Variants in SDHAF4 observed in about 807,000 individuals in gnomAD.
SDHAF4 encodes the protein succinate dehydrogenase complex assembly factor 4, also known as succinate dehydrogenase assembly factor 4, mitochondrial.
SDHAF4 carries 14 observed loss-of-function variants against 14.3 expected under a neutral mutation model. The observed-to-expected ratio is 0.98, with a 90% CI of 0.65 to 1.53. SDHAF4 has a LOEUF of 1.53. SDHAF4 is among the 40% of genes most tolerant of loss of function. The pLI is 0.00. For missense variants in SDHAF4, 141 were observed against 129.3 expected, an observed-to-expected ratio of 1.09 and a Z score of -0.44; for synonymous variants, 63 against 47.3, an observed-to-expected ratio of 1.33 and a Z score of -1.36.
chr6:70,571,686 C>G lies in SDHAF4; in HGVS notation c.64+4682C>G, dbSNP rs561886395. Reference sequence around the variant, plus strand: ...GGGATTCTACTCACTCTTTTCCCTTCTTTGTTAGATTTTGTTTAAGATTGG... The same window carrying G: ...GGGATTCTACTCACTCTTTTCCCTTGTTTGTTAGATTTTGTTTAAGATTGG... On this transcript the variant is annotated intron_variant, in intron 1 of 2. Transcript: ENST00000370474. 7.2e-5 allele frequency among the ~76,000 whole-genome samples: 11 copies of G among 152,260 alleles called. No individual in the cohort carries two copies. The South Asian group carries it at 2.3e-3, about 32-fold the overall frequency.
chr6:70,586,144 C>A (rs997892655), intron 2 of SDHAF4, among the ~76,000 whole-genome samples: 4 of 152,266 alleles, frequency 2.6e-5, no homozygotes, highest in African/African-American at 9.6e-5. Flanking sequence ...GAATGTGACA[C>A]CCATGCCCCC....
chr6:70,597,477 A>G, the SDHAF4 span, among the ~76,000 whole-genome samples: 1 of 151,890 alleles, frequency 6.6e-6, no homozygotes, highest in African/African-American at 2.4e-5. Flanking sequence ...TTTGGTGATT[A>G]ATGAAACAGA....
Position 70,579,564 on chromosome 6 carries a change from A to T in SDHAF4, c.215A>T (p.Glu72Val), listed in dbSNP as rs755605654. ...TCCCATTTAGAGAAAGAACCACTGG[A>T]AAGTAAGTATAATAAAGCACCTCTC... ...EDSHLEKEPLEKFPDDVNPVT... is the reference protein window; with the variant it reads ...EDSHLEKEPLVKFPDDVNPVT... Residue 72 changes from glutamate to valine, a missense_variant and splice_region_variant, in exon 2 of 3, where the codon GAA becomes GTA. By Grantham distance (121) the Glu-to-Val change is moderately radical (BLOSUM62 -2). Coordinates refer to ENST00000370474, the MANE Select transcript of SDHAF4 (RefSeq NM_145267.3). 1 of 1,591,126 alleles carries T rather than the reference A, an allele frequency of 6.3e-7. No individual in the cohort carries two copies. The highest frequency in any genetic ancestry group is 1.4e-5 in the African/African-American group (1 of 73,954).
intron 1 of SDHAF4, among the ~76,000 whole-genome samples, chr6:70,570,698 G>C (rs1174346266): frequency 6.8e-6 from 1 of 147,682 alleles, no homozygotes; most frequent in Non-Finnish European, 1.5e-5. Flanking sequence ...TACTTATCTT[G>C]TTTATGATTA....
intron 1 of SDHAF4, among the ~76,000 whole-genome samples, chr6:70,569,474 A>G (rs973972277): frequency 2.0e-5 from 3 of 151,468 alleles, no homozygotes; most frequent in Admixed American, 1.3e-4. Flanking sequence ...TTTGCCATGA[A>G]CTCAGGTGAT....
intron 1 of SDHAF4, 79 bp from the exon 2 acceptor site, chr6:70,579,330 AAAAAC>A: frequency 8.8e-7 from 1 of 1,134,066 alleles, no homozygotes; most frequent in South Asian, 3.1e-5. Context: ...TGTATAAACT[AAAAAC>A]AAATAAATAA....
At chr6:70,572,015 T>C (rs1273530731) in intron 1 of SDHAF4, among the ~76,000 whole-genome samples, 1 of 151,354 alleles carries the variant, frequency 6.6e-6, no homozygotes, top group African/African-American at 2.4e-5. Flanking sequence ...TTTTTTATAG[T>C]AGCCTTACCA....
At chr6:70,568,150 CCAGAAATGAATAATA>C (rs1172744620) in intron 1 of SDHAF4, among the ~76,000 whole-genome samples, 1 of 152,038 alleles carries the variant, frequency 6.6e-6, no homozygotes, top group African/African-American at 2.4e-5. Context: ...TTTAAATAGT[CCAGAAATGAATAATA>C]CAGAAAGTGA....
downstream of SDHAF4, among the ~76,000 whole-genome samples, chr6:70,590,248 AT>A (rs1223421451): frequency 2.1e-5 from 3 of 141,638 alleles, no homozygotes; most frequent in Non-Finnish European, 3.1e-5. Flanking sequence ...AAAAAAAAAA[AT>A]AAAAAGCAAA....
At position 70,579,488 on chromosome 6, in the gene SDHAF4, T is replaced by A; in HGVS notation, c.139T>A (p.Ser47Thr). The A allele has an allele frequency of 1.9e-6, 3 of 1,611,920 alleles. No individual in the cohort carries two copies. Among genetic ancestry groups the A allele is most frequent in the Non-Finnish European group, 2.5e-6 (3 of 1,178,854 alleles). Residue 47 changes from serine to threonine, a missense_variant, in exon 2 of 3, where the codon TCC (serine) becomes ACC (threonine). Ser to Thr is a moderately conservative substitution (Grantham distance 58). Transcript: ENST00000370474. ...AGGAAAGTCTGAACTTGTCAAACAGTCCCTTAAGAAGCCGAAGTTACCAGA... is the reference window on the plus strand; with the variant it reads ...AGGAAAGTCTGAACTTGTCAAACAGACCCTTAAGAAGCCGAAGTTACCAGA... ...QGGKSELVKQ[S>T]LKKPKLPEGR...
chr6:70,582,768 G>T (rs1230706551), intron 2 of SDHAF4, among the ~76,000 whole-genome samples: 1 of 152,164 alleles, frequency 6.6e-6, no homozygotes, highest in Admixed American at 6.5e-5. Context: ...TACCAGTAGG[G>T]CCCAAATTCA....
downstream of SDHAF4, among the ~76,000 whole-genome samples, chr6:70,591,334 ATTTTTTTTT>A (rs76350573): frequency 6.9e-5 from 7 of 101,230 alleles, no homozygotes; most frequent in Non-Finnish European, 6.0e-5. Context: ...GAGAGGAAAG[ATTTTTTTTT>A]TTTTTTTTTT....
chr6:70,582,518 A>G (rs1238861419), intron 2 of SDHAF4, among the ~76,000 whole-genome samples: 1 of 152,058 alleles, frequency 6.6e-6, no homozygotes, highest in African/African-American at 2.4e-5. Flanking sequence ...TATTTCTAAA[A>G]CTAAAGTCAT....
rs978951703 is a variant in SDHAF4, at chr6:70,572,719, A to G, written c.64+5715A>G. Among the ~76,000 whole-genome samples the G allele has an allele frequency of 6.6e-5, 10 of 150,980 alleles. No homozygotes were observed. In the South Asian group the frequency reaches 2.1e-3, roughly 32 times the overall value. ...TATGGCTTGTTTCCGGTTTGTTTGT[A>G]TGGGGGTTTTTGTTGTTTTGCAGAC... On this transcript the variant is annotated intron_variant, in intron 1 of 2. Transcript: ENST00000370474.
At chr6:70,591,240 A>T (rs1032055615), downstream of SDHAF4, among the ~76,000 whole-genome samples, 1 of 151,780 alleles carries the variant, frequency 6.6e-6, no homozygotes, top group Non-Finnish European at 1.5e-5. Context: ...CACTTAGAGC[A>T]GTGTGTAGTA....
intron 2 of SDHAF4, among the ~76,000 whole-genome samples, chr6:70,583,172 G>A (rs183517266): frequency 1.9e-3 from 297 of 152,314 alleles, no homozygotes; most frequent in Non-Finnish European, 3.8e-3. Flanking sequence ...GAGGACAATG[G>A]CGCAATTTCA....
rs377184884 is a variant in SDHAF4 at position 70,566,982 on chromosome 6, G to C, written c.42G>C (p.Ser14=). The C allele has an allele frequency of 8.4e-5, 133 of 1,591,670 alleles. No individual in the cohort carries two copies. The highest frequency in any genetic ancestry group is 1.1e-4 in the Non-Finnish European group (127 of 1,169,396). ...SRLPWLLSWV[S]ATAWRAARSP... is the part of the protein sequence containing the mutation. ...TTCCCTGGTTGCTTAGCTGGGTCTCGGCCACGGCGTGGAGAGCGGCAAGTA... is the reference window on the plus strand; with the variant it reads ...TTCCCTGGTTGCTTAGCTGGGTCTCCGCCACGGCGTGGAGAGCGGCAAGTA... Residue 14 remains serine (S), a synonymous_variant, in exon 1 of 3, where the codon TCG becomes TCC. Transcript: ENST00000370474.
rs538026118 is a variant in SDHAF4 at position 70,581,147 on chromosome 6, C to G, written c.217+1581C>G. ...GTTTCACCATGTTGGCCAGGCTGGT[C>G]TTGAACTCCTGACCTCAAGTGACCA... On this transcript the variant is annotated intron_variant, in intron 2 of 2. Coordinates refer to ENST00000370474, the MANE Select transcript of SDHAF4 (RefSeq NM_145267.3). Among the ~76,000 whole-genome samples the G allele has an allele frequency of 2.0e-4, 30 of 152,200 alleles. No homozygotes were observed. The East Asian group carries it at 2.3e-3, about 12-fold the overall frequency.
At chr6:70,586,337 G>A (rs536418477) in intron 2 of SDHAF4, among the ~76,000 whole-genome samples, 3 of 151,748 alleles carry the variant, frequency 2.0e-5, no homozygotes, top group East Asian at 3.9e-4. Context: ...CTTAGAATGC[G>A]CTTATGAGAA....
Sources: allele counts gnomAD v4.1 joint callset (sites outside exome capture counted in the v4.1 genomes callset), GRCh38; gene constraint gnomAD v4.1.1; transcripts MANE v1.5; gene names NCBI Gene and HGNC (gene_info 2026-07-23, HGNC 2026-07-21).